The following SORBS2 variants were observed in gnomAD, a reference collection of about 807,000 sequenced individuals.
SORBS2 encodes the protein sorbin and SH3 domain containing 2.
SORBS2 carries 46 observed loss-of-function variants against 97.7 expected under a neutral mutation model. That is an observed-to-expected ratio of 0.47 (90% confidence interval 0.37 to 0.60). SORBS2 has a LOEUF of 0.60. Among genes scored for constraint, SORBS2 ranks in the 20% least tolerant of loss-of-function variants. SORBS2 has a pLI of 0.00. For missense variants in SORBS2, 1,316 were observed against 1,282.3 expected, an observed-to-expected ratio of 1.03 and a Z score of -0.40; for synonymous variants, 476 against 473.4, an observed-to-expected ratio of 1.01 and a Z score of -0.07.
chr4:185,846,033 G>A (rs186973152), intron 1 of SORBS2, among the ~76,000 whole-genome samples: 2 of 152,324 alleles, frequency 1.3e-5, no homozygotes, highest in Admixed American at 1.3e-4. Context: ...CCACCTGGCA[G>A]TCCCAACTCC....
intron 1 of SORBS2, among the ~76,000 whole-genome samples, chr4:185,814,764 G>A (rs1284322571): frequency 6.6e-6 from 1 of 152,170 alleles, no homozygotes; most frequent in Non-Finnish European, 1.5e-5. Context: ...TTGCCCCGTG[G>A]CACGTCTCCC....
chr4:185,822,887 AGAAAAG>A (rs1411645139), intron 1 of SORBS2, among the ~76,000 whole-genome samples: 1 of 152,246 alleles, frequency 6.6e-6, no homozygotes, highest in Non-Finnish European at 1.5e-5. Flanking sequence ...CATTAAAGAA[AGAAAAG>A]GAAAATAAAA....
At chr4:185,779,134 C>T (rs1469538998) in intron 1 of SORBS2, among the ~76,000 whole-genome samples, 1 of 152,198 alleles carries the variant, frequency 6.6e-6, no homozygotes, top group Non-Finnish European at 1.5e-5. Context: ...TGCAGCTTTG[C>T]TTCTCACTTT....
intron 1 of SORBS2, among the ~76,000 whole-genome samples, chr4:185,844,363 C>T (rs932160693): frequency 1.3e-5 from 2 of 152,186 alleles, no homozygotes; most frequent in Non-Finnish European, 2.9e-5. Flanking sequence ...AGATGCCCAA[C>T]AGCGTTGGTC....
At position 185,787,744 on chromosome 4, in the gene SORBS2, G is replaced by A. The variant is rs561544938; in HGVS notation, c.-337-12378C>T. Among the ~76,000 whole-genome samples the A allele has an allele frequency of 3.3e-5, 5 of 152,274 alleles. No homozygotes were observed. The East Asian group carries it at 9.6e-4, about 29-fold the overall frequency. On this transcript the variant is annotated intron_variant, in intron 1 of 20. Coordinates refer to the SORBS2 transcript ENST00000284776. ...AATCCAGCAACGCAGATTGTGGGCG[G>A]GCAGGTTTCCCGTATTGTTCCTACC...
intron 1 of SORBS2, among the ~76,000 whole-genome samples, chr4:185,817,430 AC>A (rs2099193907): frequency 6.6e-6 from 1 of 152,208 alleles, no homozygotes; most frequent in South Asian, 2.1e-4. Flanking sequence ...TTAAAAAGCG[AC>A]CTGGAAAGAG....
In SORBS2 at chr4:185,618,651, AT is replaced by A; in HGVS notation, c.2305-21del. ...CAATTTCTGAAAAGGAAGATAAACA[AT>A]TAGCACTAATTTAAAATTTGAATTT... On this transcript the variant is annotated intron_variant, in intron 8 of 14. Transcript: ENST00000418609. The A allele has an allele frequency of 6.7e-7, 1 of 1,493,728 alleles. No homozygotes were observed. The highest frequency in any genetic ancestry group is 1.4e-5 in the African/African-American group (1 of 73,078). 92.5% of individuals were successfully genotyped at this position (1,493,728 alleles called of 1,614,324 possible).
intron 8 of SORBS2, 52 bp downstream of exon 20, chr4:185,620,011 G>T (rs2096692015): frequency 2.7e-6 from 3 of 1,098,344 alleles, no homozygotes; most frequent in Non-Finnish European, 4.2e-6. Context: ...GCTGGTAAGT[G>T]CTGTATCAAG....
intron 1 of SORBS2, among the ~76,000 whole-genome samples, chr4:185,807,271 T>C (rs910243894): frequency 1.6e-4 from 25 of 152,324 alleles, no homozygotes; most frequent in Middle Eastern, 3.4e-3. Flanking sequence ...TTCTTTCTTT[T>C]TTATTGTGTT....
intron 1 of SORBS2, among the ~76,000 whole-genome samples, chr4:185,786,967 T>G (rs1220079242): frequency 3.9e-5 from 3 of 76,784 alleles, no homozygotes; most frequent in Non-Finnish European, 5.0e-5. Flanking sequence ...TTTTTTTTTT[T>G]GAGGCTCTGT....
chr4:185,928,090 G>C (rs1442397231), intron 1 of SORBS2, among the ~76,000 whole-genome samples: 1 of 150,206 alleles, frequency 6.7e-6, no homozygotes, highest in Non-Finnish European at 1.5e-5. Flanking sequence ...CACTTATAGA[G>C]GGCAAGAAGA....
chr4:185,888,154 C>T (rs1422940703), intron 1 of SORBS2, among the ~76,000 whole-genome samples: 4 of 152,012 alleles, frequency 2.6e-5, no homozygotes. Flanking sequence ...TTATCATACT[C>T]TGTAAAATGC....
chr4:185,890,926 T>C (rs893445621), intron 1 of SORBS2, among the ~76,000 whole-genome samples: 3 of 144,914 alleles, frequency 2.1e-5, no homozygotes, highest in Admixed American at 7.0e-5. Context: ...CATGTTGCAT[T>C]ATACAGAGCT....
chr4:185,898,630 G>A (rs1005167666), intron 1 of SORBS2, among the ~76,000 whole-genome samples: 23 of 152,142 alleles, frequency 1.5e-4, no homozygotes, highest in African/African-American at 4.8e-4. Context: ...TAGCGGCTAC[G>A]TTGATTTGCA....
chr4:185,953,337 A>G (rs926415484), intron 1 of SORBS2, among the ~76,000 whole-genome samples: 1 of 152,168 alleles, frequency 6.6e-6, no homozygotes, highest in African/African-American at 2.4e-5. Flanking sequence ...AATAATAATC[A>G]TAATAATATG....
At chr4:185,927,636 T>C (rs181112781) in intron 1 of SORBS2, among the ~76,000 whole-genome samples, 43 of 152,242 alleles carry the variant, frequency 2.8e-4, no homozygotes, top group Non-Finnish European at 5.0e-4. Flanking sequence ...CATCTTAATT[T>C]GAAAACTACA....
At chr4:185,952,065 G>A (rs1360505319) in intron 1 of SORBS2, among the ~76,000 whole-genome samples, 10 of 144,182 alleles carry the variant, frequency 6.9e-5, no homozygotes, top group East Asian at 2.0e-4. Context: ...TCACTCTGTC[G>A]CCAGGCTGGA....
At chr4:185,877,465 A>G (rs185388895) in intron 1 of SORBS2, among the ~76,000 whole-genome samples, 3 of 152,378 alleles carry the variant, frequency 2.0e-5, no homozygotes, top group Admixed American at 2.0e-4. Flanking sequence ...CATCACATAT[A>G]TTTGATTTAA....
At chr4:185,799,127 C>T (rs905398954) in intron 1 of SORBS2, among the ~76,000 whole-genome samples, 4 of 152,144 alleles carry the variant, frequency 2.6e-5, no homozygotes, top group Non-Finnish European at 5.9e-5. Flanking sequence ...CATAAAAGCA[C>T]ATGAAGGAAT....
Sources: allele counts gnomAD v4.1 joint callset (sites outside exome capture counted in the v4.1 genomes callset), GRCh38; gene constraint gnomAD v4.1.1; transcripts MANE v1.5; gene names NCBI Gene and HGNC (gene_info 2026-07-23, HGNC 2026-07-21).